The following C20orf96 variants were observed in gnomAD, a reference collection of about 807,000 sequenced individuals.
C20orf96 encodes the protein uncharacterized protein C20orf96.
In C20orf96, 57 loss-of-function variants were observed where a neutral mutation model predicts 52.6. The observed-to-expected ratio is 1.08, with a 90% confidence interval of 0.88 to 1.35. The LOEUF is 1.35. Among genes scored for constraint, C20orf96 ranks in the 40% most tolerant of loss-of-function variants. C20orf96 has a pLI of 0.00. For missense variants in C20orf96, 478 were observed against 443.6 expected (o/e 1.08, Z -0.70); for synonymous variants, 168 against 157.2 (o/e 1.07, Z -0.51).
chr20:276,989 G>A, intron 8 of C20orf96, 55 bp downstream of exon 8: 4 of 1,595,024 alleles, frequency 2.5e-6, no homozygotes, highest in East Asian at 2.2e-5. Flanking sequence ...GGGGAAGAGG[G>A]CGGGGTGGGG....
intron 1 of C20orf96, 28 bp from the exon 2 acceptor site, chr20:290,335 T>G: frequency 6.2e-7 from 1 of 1,611,086 alleles, no homozygotes; most frequent in Non-Finnish European, 8.5e-7. Flanking sequence ...GGGAAAGAAC[T>G]TCCATTATCC....
At chr20:275,785 G>A (rs746761853) in intron 10 of C20orf96, among the ~76,000 whole-genome samples, 183 bp downstream of exon 10, 8 of 152,166 alleles carry the variant, frequency 5.3e-5, no homozygotes, top group Non-Finnish European at 1.0e-4. Context: ...GGCCTTTGCA[G>A]AGATGGGAAA....
At position 279,179 on chromosome 20, in the gene C20orf96, G is replaced by GTT; in HGVS notation, c.457_458insAA (p.Thr153LysfsTer21). 6.3e-7 allele frequency: 1 copy of GTT among 1,599,200 alleles called. No individual in the cohort carries two copies. The highest frequency in any genetic ancestry group is 8.5e-7 in the Non-Finnish European group (1 of 1,176,358). On this transcript the variant is annotated frameshift_variant, in exon 5 of 11. Coordinates refer to ENST00000360321, the MANE Select transcript of C20orf96 (RefSeq NM_153269.3). LOFTEE classifies it high-confidence loss of function. Reference sequence around the variant, plus strand: ...GGATGCCGCGGGTCTCACCGCCAGGGTGTCCTGCTGCTGCAGCAGGGCCCG... The same window carrying GTT: ...GGATGCCGCGGGTCTCACCGCCAGGGTTTGTCCTGCTGCTGCAGCAGGGCCCG...
intron 4 of C20orf96, among the ~76,000 whole-genome samples, chr20:283,184 G>A (rs1008783677): frequency 6.6e-6 from 1 of 152,136 alleles, no homozygotes; most frequent in Admixed American, 6.5e-5. Flanking sequence ...AATTACAGAA[G>A]CCATAAAACA....
In C20orf96 at chr20:277,317, A is replaced by G; in HGVS notation, c.632T>C (p.Leu211Pro). The G allele has an allele frequency of 6.2e-7, 1 of 1,614,154 alleles. No individual in the cohort carries two copies. The highest frequency in any genetic ancestry group is 8.5e-7 in the Non-Finnish European group (1 of 1,180,022). The change falls in exon 7 of 11, where the codon CTG (leucine) becomes CCG (proline). Residue 211 changes from leucine (L) to proline (P), a missense_variant. Coordinates refer to ENST00000360321, the MANE Select transcript of C20orf96 (RefSeq NM_153269.3). ...ATACTCATGGTCCATGTAAGTGCTC[A>G]GGAAGTTCACTTCCTCCTGGGTCTT... ...IEKTQEEVNF[L>P]STYMDHEYSI...
intron 10 of C20orf96, among the ~76,000 whole-genome samples, chr20:271,598 G>C (rs1230239550): frequency 2.0e-5 from 3 of 152,210 alleles, no homozygotes; most frequent in Non-Finnish European, 4.4e-5. Flanking sequence ...CCCTCAAGAT[G>C]ATCACTGGCT....
At chr20:279,474 G>T in intron 4 of C20orf96, 144 bp from the exon 5 acceptor site, 2 of 925,296 alleles carry the variant, frequency 2.2e-6, no homozygotes, top group Non-Finnish European at 3.0e-6. Context: ...CAAGCTGGGC[G>T]GTTCCCCATT....
intron 4 of C20orf96, among the ~76,000 whole-genome samples, chr20:280,406 C>CAAT (rs1402959613): frequency 2.4e-5 from 3 of 123,222 alleles, no homozygotes; most frequent in East Asian, 2.4e-4. Context: ...GTAACAATAA[C>CAAT]AACAACAATT....
Position 279,172 on chromosome 20 carries a change from C to G in C20orf96, c.465G>C (p.Ala155=), listed in dbSNP as rs1320304324. The stretch of plus-strand genomic sequence containing the variant: ...GGCGGGCGGATGCCGCGGGTCTCAC[C>G]GCCAGGGTGTCCTGCTGCTGCAGCA... ...RALLQQQDTL[A]TIIDILEYSN... is the part of the protein sequence containing the mutation. Residue 155 remains alanine, a splice_region_variant and synonymous_variant, in exon 5 of 11, where the codon GCG becomes GCC. Coordinates refer to ENST00000360321, the MANE Select transcript of C20orf96 (RefSeq NM_153269.3). 3 of 1,588,772 alleles carry G rather than the reference C, an allele frequency of 1.9e-6. No individual in the cohort carries two copies.
intron 4 of C20orf96, 64 bp downstream of exon 4, chr20:283,899 T>C: frequency 2.6e-6 from 3 of 1,167,130 alleles, no homozygotes; most frequent in Non-Finnish European, 3.9e-6. Context: ...CAGCACATGT[T>C]TGCTACAGCC....
At chr20:286,098 TA>T (rs2012377752) in intron 3 of C20orf96, among the ~76,000 whole-genome samples, 1 of 152,206 alleles carries the variant, frequency 6.6e-6, no homozygotes, top group African/African-American at 2.4e-5. Context: ...TTTAAATGCT[TA>T]AGGAAGATTT....
chr20:274,033 TGAAG>T (rs764893816), intron 10 of C20orf96, among the ~76,000 whole-genome samples: 3 of 140,332 alleles, frequency 2.1e-5, no homozygotes, highest in East Asian at 2.1e-4. Flanking sequence ...AAGGAAGGAA[TGAAG>T]GAAGGAAAGA....
At chr20:271,289 G>A in intron 10 of C20orf96, 22 bp from the exon 11 acceptor site, 2 of 1,542,102 alleles carry the variant, frequency 1.3e-6, no homozygotes, top group Non-Finnish European at 8.8e-7. Flanking sequence ...CAGCACAGAA[G>A]GCCATGAGAG....
rs1275487787 is a variant in C20orf96 at position 279,430 on chromosome 20, G to GC, written c.307-101dup. 1.1e-5 allele frequency: 14 copies of GC among 1,302,588 alleles called. No individual in the cohort carries two copies. In the South Asian group the frequency reaches 1.3e-4, roughly 12 times the overall value. The allele number at this position is 1,302,588 out of a possible 1,614,324, so 80.7% of individuals were successfully genotyped here. ...GCCGCCCCGGCCCCGCCAGACGCCCGCCCCCGTGCGGCCTCCTGCTGGTAA... is the reference window on the plus strand; with the variant it reads ...GCCGCCCCGGCCCCGCCAGACGCCCGCCCCCCGTGCGGCCTCCTGCTGGTAA... On this transcript the variant is annotated intron_variant, in intron 4 of 10. Transcript: ENST00000360321.
chr20:277,226 C>G lies in C20orf96; in HGVS notation c.723G>C (p.Gln241His). Residue 241 changes from glutamine (Q) to histidine (H), a missense_variant and splice_region_variant, in exon 7 of 11, where the codon CAG becomes CAC. Transcript: ENST00000360321. ...RQLQQVKDSQ[Q>H]DELDDLGEMR... ...GGGAGAGGGGCAGGGGCTCCCCTACCTGCTGGCTGTCCTTAACCTGCTGCA... is the reference window on the plus strand; with the variant it reads ...GGGAGAGGGGCAGGGGCTCCCCTACGTGCTGGCTGTCCTTAACCTGCTGCA... 6.2e-7 allele frequency: 1 copy of G among 1,614,180 alleles called. No individual in the cohort carries two copies. Among genetic ancestry groups the G allele is most frequent in the Non-Finnish European group, 8.5e-7 (1 of 1,180,022 alleles).
At chr20:280,351 T>C (rs540099156) in intron 4 of C20orf96, among the ~76,000 whole-genome samples, 2 of 145,748 alleles carry the variant, frequency 1.4e-5, no homozygotes, top group Non-Finnish European at 3.1e-5. Context: ...ACAACAACAA[T>C]TGTACTCCCC....
At chr20:288,350 G>A (rs185781417) in intron 3 of C20orf96, among the ~76,000 whole-genome samples, 137 of 152,104 alleles carry the variant, frequency 9.0e-4, no homozygotes, top group Non-Finnish European at 1.5e-3. Flanking sequence ...TGTCCAGCAG[G>A]TAGCTGATCC....
intron 10 of C20orf96, among the ~76,000 whole-genome samples, chr20:272,178 T>A (rs986432555): frequency 1.3e-5 from 2 of 150,890 alleles, no homozygotes; most frequent in African/African-American, 5.0e-5. Context: ...TTCTTTATAT[T>A]TGAAATTTTT....
intron 2 of C20orf96, among the ~76,000 whole-genome samples, chr20:290,054 C>T (rs2012496773): frequency 6.6e-6 from 1 of 152,116 alleles, no homozygotes; most frequent in Non-Finnish European, 1.5e-5. Context: ...CATAATATAC[C>T]CTTACATTCT....
Sources: allele counts gnomAD v4.1 joint callset (sites outside exome capture counted in the v4.1 genomes callset), GRCh38; gene constraint gnomAD v4.1.1; transcripts MANE v1.5; gene names NCBI Gene and HGNC (gene_info 2026-07-23, HGNC 2026-07-21).